The following ZNF480 variants were observed in gnomAD, a reference collection of about 807,000 sequenced individuals.
ZNF480 encodes zinc finger protein 480.
A neutral mutation model predicts 14.4 loss-of-function variants in ZNF480; 15 were observed. The ratio of observed to expected loss-of-function variants is 1.04; its 90% confidence interval spans 0.70 to 1.60. The LOEUF (loss-of-function observed/expected upper bound fraction) is 1.60. ZNF480 is among the 40% of genes most tolerant of loss of function. The pLI is 0.00. For synonymous variants in ZNF480, 218 were observed against 215.5 expected (o/e 1.01, Z -0.10); for missense variants, 593 against 629.7 (o/e 0.94, Z 0.62).
chr19:52,311,004 C>CA (rs972255252), intron 2 of ZNF480, among the ~76,000 whole-genome samples: 3,223 of 59,608 alleles, frequency 0.054, 111 homozygotes, highest in African/African-American at 0.068. Context: ...GATTCCGCCT[C>CA]AAAAAAAAAA....
intron 2 of ZNF480, among the ~76,000 whole-genome samples, chr19:52,311,191 A>T (rs1459662282): frequency 6.6e-6 from 1 of 151,958 alleles, no homozygotes; most frequent in East Asian, 1.9e-4. Flanking sequence ...CATAATTATT[A>T]TATTTATGTA....
Position 52,322,454 on chromosome 19 carries a change from A to G in ZNF480, c.1204A>G (p.Asn402Asp). 1 of 1,614,074 alleles carries G rather than the reference A, an allele frequency of 6.2e-7. No homozygotes were observed. The highest frequency in any genetic ancestry group is 8.5e-7 in the Non-Finnish European group (1 of 1,179,986). Residue 402 changes from asparagine to aspartate, a missense_variant, in exon 5 of 5, where the codon AAT becomes GAT. Coordinates refer to ENST00000595962, the MANE Select transcript of ZNF480 (RefSeq NM_144684.4). ...TACAGGAGAGAAACCTTACAAATGT[A>G]ATGAATGTGGAAAAGTATTTAATCA... ...IHTGEKPYKC[N>D]ECGKVFNQLS...
intron 4 of ZNF480, among the ~76,000 whole-genome samples, chr19:52,317,753 A>G (rs1316432336): frequency 6.6e-6 from 1 of 152,210 alleles, no homozygotes; most frequent in Admixed American, 6.5e-5. Flanking sequence ...AGAAAATGTC[A>G]TACTTGTTTC....
intron 4 of ZNF480, among the ~76,000 whole-genome samples, chr19:52,319,284 G>A (rs2122557921): frequency 6.6e-6 from 1 of 152,268 alleles, no homozygotes; most frequent in Admixed American, 6.5e-5. Flanking sequence ...GTCTAGAGTA[G>A]TAATGAACTT....
Position 52,311,004 on chromosome 19 carries a change from C to CAAAA in ZNF480, c.73-3130_73-3127dup, listed in dbSNP as rs972255252. Reference sequence around the variant, plus strand: ...TGGGTGACAGAGCGAGATTCCGCCTCAAAAAAAAAAAAAAAAAAAAAAGAT... The same window carrying CAAAA: ...TGGGTGACAGAGCGAGATTCCGCCTCAAAAAAAAAAAAAAAAAAAAAAAAAAGAT... On this transcript the variant is annotated intron_variant, in intron 2 of 4. Coordinates refer to ENST00000595962, the MANE Select transcript of ZNF480 (RefSeq NM_144684.4). 1.5e-4 allele frequency among the ~76,000 whole-genome samples: 9 copies of CAAAA among 59,888 alleles called. No homozygotes were observed. The East Asian group carries it at 4.2e-3, about 28-fold the overall frequency. The allele number at this position is 59,888 out of a possible 152,430, so 39.3% of individuals were successfully genotyped here. A position where few individuals can be genotyped will look rare whatever the true frequency, so the allele number is the denominator to read the frequency against.
chr19:52,316,532 TTTTTG>T (rs1247328075), intron 4 of ZNF480, among the ~76,000 whole-genome samples: 2 of 152,224 alleles, frequency 1.3e-5, no homozygotes, highest in East Asian at 3.9e-4. Context: ...GCCCAGCTTC[TTTTTG>T]TTTTTCAGAT....
At chr19:52,301,275 C>T (rs1028722535) in intron 2 of ZNF480, 16 of 152,222 alleles carry the variant, frequency 1.1e-4, no homozygotes, top group Admixed American at 4.6e-4. Context: ...TCCATTTTAA[C>T]GGGTTAATAG....
intron 1 of ZNF480, among the ~76,000 whole-genome samples, chr19:52,299,599 G>A (rs1982587211): frequency 6.6e-6 from 1 of 152,188 alleles, no homozygotes; most frequent in South Asian, 2.1e-4. Flanking sequence ...TTGCTATGAA[G>A]AATATTGCAA....
At chr19:52,306,784 ACT>A (rs1358005094) in intron 2 of ZNF480, among the ~76,000 whole-genome samples, 2 of 151,742 alleles carry the variant, frequency 1.3e-5, no homozygotes, top group Admixed American at 1.3e-4. Flanking sequence ...TCCATATCAC[ACT>A]CTCATCTAGC....
chr19:52,307,440 G>A (rs1023787356), intron 2 of ZNF480: 2 of 152,192 alleles, frequency 1.3e-5, no homozygotes, highest in African/African-American at 2.4e-5. Flanking sequence ...GTAGTTCCAC[G>A]TTCTCCAGCC....
At chr19:52,316,222 T>TTCTTTCTTTCTG in intron 4 of ZNF480, among the ~76,000 whole-genome samples, 1 of 151,128 alleles carries the variant, frequency 6.6e-6, no homozygotes, top group Non-Finnish European at 1.5e-5. Flanking sequence ...CTTTCTTTCT[T>TTCTTTCTTTCTG]CCTTTCTTCC....
intron 2 of ZNF480, chr19:52,301,482 A>C (rs1369110313): frequency 6.6e-6 from 1 of 152,198 alleles, no homozygotes; most frequent in African/African-American, 2.4e-5. Flanking sequence ...TAATGCAAAA[A>C]TCAGAAGTAT....
intron 2 of ZNF480, among the ~76,000 whole-genome samples, chr19:52,306,682 C>CT (rs1455144395): frequency 1.3e-5 from 2 of 152,160 alleles, no homozygotes; most frequent in East Asian, 1.9e-4. Flanking sequence ...TGTTTAAATT[C>CT]TTTAAGTATT....
At chr19:52,299,378 A>G (rs760063689) in intron 1 of ZNF480, among the ~76,000 whole-genome samples, 1 of 152,304 alleles carries the variant, frequency 6.6e-6, no homozygotes, top group South Asian at 2.1e-4. Context: ...GACACTGTCT[A>G]CTTGAAGTTA....
rs1365931502 is a variant in ZNF480, at chr19:52,324,203, CA to C, written c.*1350del. 1.3e-5 allele frequency: 2 copies of C among 152,030 alleles called. No homozygotes were observed. Among genetic ancestry groups the C allele is most frequent in the Non-Finnish European group, 2.9e-5 (2 of 68,006 alleles). 9.4% of individuals were successfully genotyped at this position (152,030 alleles called of 1,614,324 possible). On this transcript the variant is annotated 3_prime_UTR_variant, in exon 5 of 5. Transcript: ENST00000595962. ...AATGGAATCCCATTCACAGTAGCCACAAAAAGTATAAAATACCTAGGAATAC... is the reference window on the plus strand; with the variant it reads ...AATGGAATCCCATTCACAGTAGCCACAAAAGTATAAAATACCTAGGAATAC...
chr19:52,320,533 C>T (rs1331015517), intron 4 of ZNF480, among the ~76,000 whole-genome samples: 8 of 152,126 alleles, frequency 5.3e-5, no homozygotes, highest in African/African-American at 1.7e-4. Flanking sequence ...TGGTGGCTCA[C>T]GCCTGTAATC....
At chr19:52,316,263 A>C (rs1464879519) in intron 4 of ZNF480, among the ~76,000 whole-genome samples, 3 of 132,410 alleles carry the variant, frequency 2.3e-5, no homozygotes, top group African/African-American at 8.5e-5. Flanking sequence ...ATTTTGCTCT[A>C]TTGCCCGGGC....
At chr19:52,300,070 A>G (rs1982611387) in intron 1 of ZNF480, among the ~76,000 whole-genome samples, 1 of 152,198 alleles carries the variant, frequency 6.6e-6, no homozygotes, top group Non-Finnish European at 1.5e-5. Flanking sequence ...CCTGGGATCC[A>G]TAGAGAGGAG....
chr19:52,300,619 G>A (rs1271596418), intron 2 of ZNF480, 135 bp downstream of exon 2: 17 of 1,484,676 alleles, frequency 1.1e-5, no homozygotes, highest in Non-Finnish European at 1.6e-5. Flanking sequence ...CCTTCCCTCA[G>A]TGCCGAGACC....
Sources: allele counts gnomAD v4.1 joint callset (sites outside exome capture counted in the v4.1 genomes callset), GRCh38; gene constraint gnomAD v4.1.1; transcripts MANE v1.5; gene names NCBI Gene and HGNC (gene_info 2026-07-23, HGNC 2026-07-21).